RGS6: variants seen among roughly 807,000 people sequenced by gnomAD.
The protein encoded by RGS6 is regulator of G-protein signaling 6.
A neutral mutation model predicts 78.5 loss-of-function variants in RGS6; 30 were observed. That is an observed-to-expected ratio of 0.38 (90% CI 0.29 to 0.52). RGS6 has a LOEUF of 0.52. RGS6 is among the 20% of genes least tolerant of loss of function. RGS6 has a pLI of 0.85. For missense variants in RGS6, 495 were observed against 609.7 expected (o/e 0.81, Z 1.98); for synonymous variants, 206 against 206.0 (o/e 1.00, Z 0.00).
chr14:71,927,160 T>C, the RGS6 span, among the ~76,000 whole-genome samples: 1 of 152,222 alleles, frequency 6.6e-6, no homozygotes, highest in Non-Finnish European at 1.5e-5. Flanking sequence ...CCATGGTTAT[T>C]TGGGGCCTGG....
the RGS6 span, among the ~76,000 whole-genome samples, chr14:72,594,552 A>C: frequency 2.0e-5 from 3 of 151,954 alleles, no homozygotes; most frequent in African/African-American, 7.3e-5. Context: ...GGCTATCACC[A>C]CTCATACTCT....
chr14:72,369,695 A>G (rs533968650), intron 3 of RGS6, among the ~76,000 whole-genome samples: 1 of 152,334 alleles, frequency 6.6e-6, no homozygotes, highest in East Asian at 1.9e-4. Context: ...TATGTAGTAG[A>G]ATTATTTAAT....
intron 2 of RGS6, among the ~76,000 whole-genome samples, chr14:72,207,169 A>G (rs1431408217): frequency 2.0e-5 from 3 of 152,114 alleles, no homozygotes; most frequent in African/African-American, 7.2e-5. Flanking sequence ...AATCTTCCAT[A>G]CCTTTTTCTA....
At chr14:72,062,431 T>C (rs1449602821) in intron 2 of RGS6, among the ~76,000 whole-genome samples, 1 of 152,160 alleles carries the variant, frequency 6.6e-6, no homozygotes, top group African/African-American at 2.4e-5. Context: ...TGACCTGCTT[T>C]ATGTTGGAAA....
intron 2 of RGS6, among the ~76,000 whole-genome samples, chr14:72,020,195 C>T (rs1032346337): frequency 6.6e-6 from 1 of 152,182 alleles, no homozygotes; most frequent in African/African-American, 2.4e-5. Context: ...GATGTTTGGT[C>T]TCCCAGCTAA....
At chr14:72,223,056 A>C (rs2047244974) in intron 2 of RGS6, among the ~76,000 whole-genome samples, 2 of 152,250 alleles carry the variant, frequency 1.3e-5, no homozygotes, top group African/African-American at 4.8e-5. Flanking sequence ...ATTTAACTGC[A>C]TGCTAATTAA....
intron 2 of RGS6, among the ~76,000 whole-genome samples, chr14:72,094,895 TA>T (rs2095365497): frequency 6.6e-6 from 1 of 152,150 alleles, no homozygotes; most frequent in African/African-American, 2.4e-5. Flanking sequence ...TTCTTGCAAT[TA>T]CACAACAAGC....
At chr14:72,035,245 G>A in intron 2 of RGS6, among the ~76,000 whole-genome samples, 2 of 152,062 alleles carry the variant, frequency 1.3e-5, no homozygotes, top group Middle Eastern at 3.4e-3. Context: ...ATGTTTGTAG[G>A]AATTTATTCC....
chr14:72,593,620 C>T, the RGS6 span, among the ~76,000 whole-genome samples: 1 of 152,184 alleles, frequency 6.6e-6, no homozygotes, highest in African/African-American at 2.4e-5. Context: ...CTCCTGTCCT[C>T]AAGTGATCTG....
chr14:72,396,946 G>A (rs745815063), intron 3 of RGS6, among the ~76,000 whole-genome samples: 12 of 152,126 alleles, frequency 7.9e-5, no homozygotes, highest in Non-Finnish European at 1.0e-4. Flanking sequence ...TGGTTACTGT[G>A]GCCTTGTAGT....
intron 3 of RGS6, among the ~76,000 whole-genome samples, chr14:72,450,039 GA>G (rs2153224818): frequency 6.6e-6 from 1 of 152,158 alleles, no homozygotes; most frequent in African/African-American, 2.4e-5. Flanking sequence ...AATGTTCTAT[GA>G]ACTTCAAATA....
rs181794832 is a variant in RGS6, at chr14:71,964,717, G to A, written c.-20-55G>A. 2,238 of 1,215,520 alleles carry A rather than the reference G, an allele frequency of 1.8e-3. 72 individuals are homozygous for A. The Admixed American group carries it at 0.046, about 25-fold the overall frequency. The allele number at this position is 1,215,520 out of a possible 1,614,324, so 75.3% of individuals were successfully genotyped here. On this transcript the variant is annotated intron_variant, in intron 1 of 17. Coordinates refer to ENST00000553525, the MANE Select transcript of RGS6 (RefSeq NM_001204424.2). ...GTTACTTAATTCTTTGCATTTCAAAGCCCTCTTTATATAATTCCTTCGTGA... is the reference window on the plus strand; with the variant it reads ...GTTACTTAATTCTTTGCATTTCAAAACCCTCTTTATATAATTCCTTCGTGA...
At chr14:71,896,555 A>G in the RGS6 span, among the ~76,000 whole-genome samples, 4 of 152,282 alleles carry the variant, frequency 2.6e-5, no homozygotes, top group South Asian at 4.1e-4. Context: ...CCAACCTTCT[A>G]TCTCATCCGG....
chr14:72,030,813 A>C (rs1382269226), intron 2 of RGS6, among the ~76,000 whole-genome samples: 2 of 152,208 alleles, frequency 1.3e-5, no homozygotes, highest in African/African-American at 4.8e-5. Context: ...TTACAGCCAA[A>C]AGTAAAGTCA....
chr14:72,252,353 C>A lies in RGS6; in HGVS notation c.85-99742C>A, dbSNP rs539003996. Among the ~76,000 whole-genome samples, 9 of 152,330 alleles carry A rather than the reference C, an allele frequency of 5.9e-5. No individual in the cohort carries two copies. The South Asian group carries it at 1.9e-3, about 32-fold the overall frequency. Reference sequence around the variant, plus strand: ...ATGACCATCAACTATGTATCAATTACATGTACCCTGGGATACAGTAGTGAA... The same window carrying A: ...ATGACCATCAACTATGTATCAATTAAATGTACCCTGGGATACAGTAGTGAA... On this transcript the variant is annotated intron_variant, in intron 2 of 17. Coordinates refer to ENST00000553525, the MANE Select transcript of RGS6 (RefSeq NM_001204424.2).
At chr14:72,147,957 C>T (rs1363500041) in intron 2 of RGS6, among the ~76,000 whole-genome samples, 1 of 151,928 alleles carries the variant, frequency 6.6e-6, no homozygotes, top group Non-Finnish European at 1.5e-5. Flanking sequence ...TGGTGAAACC[C>T]CATCTCTACT....
intron 2 of RGS6, among the ~76,000 whole-genome samples, chr14:72,319,350 A>ATTTT (rs755289519): frequency 7.0e-6 from 1 of 142,286 alleles, no homozygotes. Context: ...GAAGGGGGAA[A>ATTTT]TTTTTTTTTT....
intron 2 of RGS6, among the ~76,000 whole-genome samples, chr14:72,147,298 C>A (rs1011015770): frequency 6.6e-6 from 1 of 152,172 alleles, no homozygotes; most frequent in African/African-American, 2.4e-5. Flanking sequence ...ACCCTCTTCT[C>A]GATACCAATT....
intron 2 of RGS6, among the ~76,000 whole-genome samples, chr14:72,248,878 A>T (rs549968811): frequency 3.3e-5 from 5 of 152,230 alleles, no homozygotes; most frequent in African/African-American, 1.2e-4. Flanking sequence ...GCCTTTGTGA[A>T]TCTGGCTGGG....
Sources: gnomAD v4.1 joint callset for allele counts (sites outside exome capture counted in the v4.1 genomes callset) on GRCh38, gnomAD v4.1.1 for gene constraint, MANE v1.5 for transcripts, NCBI Gene and HGNC (gene_info 2026-07-23, HGNC 2026-07-21) for gene names.